The following MEIS2 variants were observed in gnomAD, a reference collection of about 807,000 sequenced individuals.
MEIS2 encodes Meis homeobox 2, also known as homeobox protein Meis2.
In MEIS2, 9 loss-of-function variants were observed where a neutral mutation model predicts 58.6. The observed-to-expected ratio is 0.15, with a 90% confidence interval of 0.09 to 0.27. MEIS2 has a LOEUF of 0.27. MEIS2 is among the 10% of genes least tolerant of loss of function. The probability of loss-of-function intolerance (pLI) is 1.00; values close to 1 mark genes in which losing one functional copy is unlikely to be tolerated. For synonymous variants in MEIS2, 221 were observed against 228.4 expected (o/e 0.97, Z 0.29); for missense variants, 427 against 635.0 (o/e 0.67, Z 3.52).
chr15:37,078,605 C>CAA (rs540405090), intron 7 of MEIS2, among the ~76,000 whole-genome samples: 1 of 69,392 alleles, frequency 1.4e-5, no homozygotes, highest in African/African-American at 5.9e-5. Context: ...AAAAAACAAC[C>CAA]AAAAAAAAAA....
chr15:36,893,073 G>C (rs546342489), intron 11 of MEIS2, among the ~76,000 whole-genome samples: 1 of 152,144 alleles, frequency 6.6e-6, no homozygotes, highest in Non-Finnish European at 1.5e-5. Flanking sequence ...TGACATGCCC[G>C]GTAGTTTATC....
intron 7 of MEIS2, among the ~76,000 whole-genome samples, chr15:37,044,928 T>C (rs1300181114): frequency 6.6e-6 from 1 of 152,138 alleles, no homozygotes; most frequent in African/African-American, 2.4e-5. Context: ...TCTAGATATA[T>C]TAATTAGAAC....
At chr15:36,895,345 A>T in intron 10 of MEIS2, 84 bp from the exon 11 acceptor site, 1 of 1,196,168 alleles carries the variant, frequency 8.4e-7, no homozygotes, top group Non-Finnish European at 1.2e-6. Flanking sequence ...TGCAGCACTG[A>T]AACGTTATAG....
intron 8 of MEIS2, among the ~76,000 whole-genome samples, chr15:37,018,835 C>G (rs1229579091): frequency 6.6e-6 from 1 of 152,216 alleles, no homozygotes; most frequent in Non-Finnish European, 1.5e-5. Context: ...CAATTAGCCT[C>G]TGCTTCTCTC....
chr15:37,079,324 TAA>T (rs1891883626), intron 7 of MEIS2, among the ~76,000 whole-genome samples: 1 of 152,016 alleles, frequency 6.6e-6, no homozygotes, highest in Non-Finnish European at 1.5e-5. Flanking sequence ...CTAGGAAAAA[TAA>T]AAGTTAGAAG....
At chr15:36,971,553 A>AAAAAAAAAAAAAG (rs1555438306) in intron 8 of MEIS2, among the ~76,000 whole-genome samples, 1 of 132,064 alleles carries the variant, frequency 7.6e-6, no homozygotes, top group African/African-American at 3.4e-5. Flanking sequence ...AAAAAAAAAA[A>AAAAAAAAAAAAAG]AAAAAAAAAA....
intron 7 of MEIS2, among the ~76,000 whole-genome samples, chr15:37,049,059 C>A (rs1027112986): frequency 6.6e-6 from 1 of 152,146 alleles, no homozygotes; most frequent in Non-Finnish European, 1.5e-5. Flanking sequence ...TTCAGATATT[C>A]CATTATGATG....
chr15:36,893,501 A>T (rs775296101), intron 11 of MEIS2, among the ~76,000 whole-genome samples: 3 of 152,254 alleles, frequency 2.0e-5, no homozygotes, highest in African/African-American at 4.8e-5. Context: ...CTACCACAGC[A>T]GCCTGCTCAA....
intron 7 of MEIS2, among the ~76,000 whole-genome samples, chr15:37,062,768 A>C (rs1262296888): frequency 6.6e-6 from 1 of 152,132 alleles, no homozygotes; most frequent in Non-Finnish European, 1.5e-5. Flanking sequence ...GAATTCTGTT[A>C]TGTGCCATAT....
intron 8 of MEIS2, among the ~76,000 whole-genome samples, chr15:36,969,919 A>T (rs2059478374): frequency 6.6e-6 from 1 of 152,076 alleles, no homozygotes; most frequent in Admixed American, 6.6e-5. Context: ...TTCGCAAAAA[A>T]AGTACAGATA....
chr15:37,096,773 C>T, intron 2 of MEIS2, among the ~76,000 whole-genome samples: 1 of 152,124 alleles, frequency 6.6e-6, no homozygotes, highest in East Asian at 1.9e-4. Context: ...CCACTCCCCA[C>T]ACTACGGAGG....
At chr15:37,057,230 T>C (rs1308447170) in intron 7 of MEIS2, among the ~76,000 whole-genome samples, 1 of 152,244 alleles carries the variant, frequency 6.6e-6, no homozygotes, top group Non-Finnish European at 1.5e-5. Flanking sequence ...GCGTAGACCC[T>C]GATAAAGTTC....
At chr15:37,080,611 C>T (rs1319399245) in intron 7 of MEIS2, among the ~76,000 whole-genome samples, 2 of 152,132 alleles carry the variant, frequency 1.3e-5, no homozygotes, top group Non-Finnish European at 2.9e-5. Flanking sequence ...TTATCAAACC[C>T]CATTTTACTG....
intron 7 of MEIS2, among the ~76,000 whole-genome samples, chr15:37,062,825 C>G (rs1401398591): frequency 2.0e-5 from 3 of 152,160 alleles, no homozygotes; most frequent in Admixed American, 6.5e-5. Flanking sequence ...GATTTCTGTG[C>G]CTTAATCATC....
chr15:36,954,696 C>T (rs978714374), intron 8 of MEIS2, among the ~76,000 whole-genome samples: 4 of 152,022 alleles, frequency 2.6e-5, no homozygotes, highest in Admixed American at 2.6e-4. Context: ...CAAAGCTGAC[C>T]AGATGAGTGC....
At position 37,096,548 on chromosome 15, in the gene MEIS2, C is replaced by T. The variant is rs949263038; in HGVS notation, c.246-118G>A. ...GAGTCCTTCTTTAATACAACAGGCA[C>T]GCACCACACTTTACAACCCTTCCTC... On this transcript the variant is annotated intron_variant, in intron 2 of 11. Coordinates refer to ENST00000561208, the MANE Select transcript of MEIS2 (RefSeq NM_170675.5). 4 of 1,253,936 alleles carry T rather than the reference C, an allele frequency of 3.2e-6. No homozygotes were observed. The East Asian group carries it at 9.9e-5, about 31-fold the overall frequency. 77.7% of individuals were successfully genotyped at this position (1,253,936 alleles called of 1,614,324 possible). A position where few individuals can be genotyped will look rare whatever the true frequency, so the allele number is the denominator to read the frequency against.
intron 5 of MEIS2, 52 bp from the exon 6 acceptor site, chr15:37,093,782 T>G (rs1206141216): frequency 6.2e-7 from 1 of 1,600,494 alleles, no homozygotes; most frequent in East Asian, 2.2e-5. Flanking sequence ...GTTGTTGTTG[T>G]TTTGTTTCAT....
chr15:36,998,236 G>GTTTTT lies in MEIS2; in HGVS notation c.900+38573_900+38577dup, dbSNP rs5811954. On this transcript the variant is annotated intron_variant, in intron 8 of 11. Coordinates refer to ENST00000561208, the MANE Select transcript of MEIS2 (RefSeq NM_170675.5). ...GGATATATTGTCGTAAAAACACAAA[G>GTTTTT]TTTTTTTTTTTTTTTTTTTTTTTTT... Among the ~76,000 whole-genome samples, 11 of 66,760 alleles carry GTTTTT rather than the reference G, an allele frequency of 1.6e-4. 2 individuals are homozygous for GTTTTT. The highest frequency in any genetic ancestry group is 1.9e-3 in the South Asian group (2 of 1,048). The allele number at this position is 66,760 out of a possible 152,430, so 43.8% of individuals were successfully genotyped here. A position where few individuals can be genotyped will look rare whatever the true frequency, so the allele number is the denominator to read the frequency against.
chr15:36,930,731 T>C (rs897646184), intron 9 of MEIS2, among the ~76,000 whole-genome samples: 1 of 152,220 alleles, frequency 6.6e-6, no homozygotes, highest in East Asian at 1.9e-4. Context: ...ACTGGGACAC[T>C]AACTTTAAAT....
Sources: allele counts gnomAD v4.1 joint callset (sites outside exome capture counted in the v4.1 genomes callset), GRCh38; gene constraint gnomAD v4.1.1; transcripts MANE v1.5; gene names NCBI Gene and HGNC (gene_info 2026-07-23, HGNC 2026-07-21).